The following HELLS variants were observed in gnomAD, a reference collection of about 807,000 sequenced individuals.
The protein encoded by HELLS is lymphoid-specific helicase.
Under a neutral mutation model 120.0 loss-of-function variants are expected in HELLS, and 32 were observed. That is an observed-to-expected ratio of 0.27 (90% confidence interval 0.20 to 0.36). HELLS has a LOEUF of 0.36. HELLS is among the 10% of genes least tolerant of loss of function. The pLI, the probability that HELLS is intolerant of heterozygous loss-of-function variation, is 1.00. For synonymous variants in HELLS, 341 were observed against 323.4 expected, an observed-to-expected ratio of 1.05 and a Z score of -0.58; for missense variants, 650 against 993.4, an observed-to-expected ratio of 0.65 and a Z score of 4.65.
intron 18 of HELLS, among the ~76,000 whole-genome samples, chr10:94,594,267 G>A (rs1845638925): frequency 6.6e-6 from 1 of 152,014 alleles, no homozygotes; most frequent in Admixed American, 6.6e-5. Context: ...TCACGGCTCA[G>A]TAGCCTTGAC....
chr10:94,610,977 T>C (rs190183974), exon 10 of HELLS: 7 of 152,320 alleles, frequency 4.6e-5, no homozygotes, highest in Non-Finnish European at 8.8e-5. Flanking sequence ...TTTATCTTCA[T>C]GTACATTATT....
chr10:94,589,269 T>G (rs980379600), intron 13 of HELLS, among the ~76,000 whole-genome samples: 2 of 152,244 alleles, frequency 1.3e-5, no homozygotes, highest in Non-Finnish European at 2.9e-5. Context: ...TGAGAATCCC[T>G]GTACTAAGGA....
intron 6 of HELLS, among the ~76,000 whole-genome samples, chr10:94,564,896 C>T (rs1210691151): frequency 1.3e-5 from 2 of 151,924 alleles, no homozygotes; most frequent in Non-Finnish European, 2.9e-5. Context: ...CTCCTGGCCA[C>T]ATTCTTATAT....
intron 3 of HELLS, among the ~76,000 whole-genome samples, chr10:94,554,537 T>C (rs1843147184): frequency 6.6e-6 from 1 of 152,150 alleles, no homozygotes; most frequent in African/African-American, 2.4e-5. Flanking sequence ...TCCTAGAAAA[T>C]TGTATAAATG....
Position 94,597,125 on chromosome 10 carries a change from T to C in HELLS, c.2422+14T>C, listed in dbSNP as rs557052126. ...GTGATCTTATTGGTAAGTATTATGC[T>C]TTTTTTTAATGGAAGCTTCGAAACA... On this transcript the variant is annotated intron_variant, in intron 21 of 21. Coordinates refer to ENST00000348459, the MANE Select transcript of HELLS (RefSeq NM_018063.5). 4 of 1,419,058 alleles carry C rather than the reference T, an allele frequency of 2.8e-6. No individual in the cohort carries two copies. In the African/African-American group the frequency reaches 4.3e-5, roughly 15 times the overall value. 87.9% of individuals were successfully genotyped at this position (1,419,058 alleles called of 1,614,324 possible).
chr10:94,604,193 T>C (rs949163872), downstream of HELLS, among the ~76,000 whole-genome samples: 1 of 151,732 alleles, frequency 6.6e-6, no homozygotes, highest in African/African-American at 2.4e-5. Flanking sequence ...GGTGTGATCT[T>C]GGCTCACTGC....
intron 21 of HELLS, among the ~76,000 whole-genome samples, chr10:94,600,884 CCA>C (rs1190542155): frequency 6.6e-6 from 1 of 151,922 alleles, no homozygotes; most frequent in Non-Finnish European, 1.5e-5. Context: ...AAGAGACAAA[CCA>C]CAAATAATAT....
intron 21 of HELLS, among the ~76,000 whole-genome samples, chr10:94,598,721 A>G (rs1589767581): frequency 1.3e-5 from 2 of 151,730 alleles, no homozygotes; most frequent in African/African-American, 4.8e-5. Context: ...TTAAATTTTA[A>G]TGAATTTCAA....
Position 94,601,887 on chromosome 10 carries a change from G to A in HELLS, c.*265G>A. On this transcript the variant is annotated 3_prime_UTR_variant, in exon 22 of 22. Transcript: ENST00000348459. ...GCTGATGTGTACTTAACCACTTCCA[G>A]ATTTATACAGTCTTCCTGTGGAAGT... The A allele has an allele frequency of 9.4e-6, 2 of 212,506 alleles. No homozygotes were observed. Among genetic ancestry groups the A allele is most frequent in the South Asian group, 2.4e-4 (2 of 8,360 alleles). The allele number at this position is 212,506 out of a possible 1,614,324, so 13.2% of individuals were successfully genotyped here.
rs145174432 is a variant in HELLS, at chr10:94,554,151, C to T, written c.179C>T (p.Ser60Leu). ...GCTCGCATGTCTTGGGATAGAGAGT[C>T]GACAGAAATTCGGTACCGTAGACTT... ...EKARMSWDRESTEIRYRRLQH... is the reference protein window; with the variant it reads ...EKARMSWDRELTEIRYRRLQH... The change falls in exon 3 of 22, where the codon TCG becomes TTG. Residue 60 changes from serine to leucine, a missense_variant. Around this residue, in one of 9 missense-constraint regions of HELLS, gnomAD observed 90 missense variants for 93.6 expected, o/e 0.96. Transcript: ENST00000348459. The T allele has an allele frequency of 4.4e-5, 70 of 1,576,424 alleles. No individual in the cohort carries two copies. The highest frequency in any genetic ancestry group is 7.8e-5 in the Admixed American group (4 of 51,138).
chr10:94,584,759 T>A (rs2134088485), intron 12 of HELLS, among the ~76,000 whole-genome samples: 1 of 152,246 alleles, frequency 6.6e-6, no homozygotes, highest in Admixed American at 6.5e-5. Context: ...ACTGGAATTG[T>A]TTTACTATAG....
Position 94,601,675 on chromosome 10 carries a change from C to T in HELLS, c.*53C>T, listed in dbSNP as rs1284819194. On this transcript the variant is annotated 3_prime_UTR_variant, in exon 22 of 22. Coordinates refer to ENST00000348459, the MANE Select transcript of HELLS (RefSeq NM_018063.5). ...GTTCTTATTTACATCTAGTGATTTCCCTGTATTGGGTTTGAAATACTGATT... is the reference window on the plus strand; with the variant it reads ...GTTCTTATTTACATCTAGTGATTTCTCTGTATTGGGTTTGAAATACTGATT... 3 of 943,480 alleles carry T rather than the reference C, an allele frequency of 3.2e-6. No individual in the cohort carries two copies. In the East Asian group the frequency reaches 7.4e-5, roughly 23 times the overall value. The allele number at this position is 943,480 out of a possible 1,614,324, so 58.4% of individuals were successfully genotyped here.
In HELLS at chr10:94,593,532, A is replaced by G. The variant is rs188843001; in HGVS notation, c.2005A>G (p.Ile669Val). ...CTTCAACACGGATCCAGAGGTGTTT[A>G]TCTTCTTAGTGAGTACACGAGCTGG... ...HSFNTDPEVF[I>V]FLVSTRAGGL... is the part of the protein sequence containing the mutation. Residue 669 changes from isoleucine to valine, a missense_variant, in exon 18 of 22, where the codon ATC (isoleucine) becomes GTC (valine). Physicochemically the swap from Ile to Val is conservative, Grantham distance 29. Around this residue, in one of 9 missense-constraint regions of HELLS, gnomAD observed 191 missense variants for 259.7 expected, o/e 0.74. Transcript: ENST00000348459. 5.2e-5 allele frequency: 84 copies of G among 1,613,626 alleles called. 1 individual carries two copies. In the East Asian group the frequency reaches 1.9e-3, roughly 36 times the overall value.
intron 6 of HELLS, chr10:94,569,204 G>T (rs2134038918): frequency 6.8e-6 from 1 of 148,124 alleles, no homozygotes; most frequent in African/African-American, 2.5e-5. Flanking sequence ...TTTTCTTAAG[G>T]TGGAGTCTCG....
rs554264659 is a variant in HELLS at position 94,587,243 on chromosome 10, A to G, written c.1327-986A>G. 3.3e-5 allele frequency among the ~76,000 whole-genome samples: 5 copies of G among 152,208 alleles called. 1 individual carries two copies. Among genetic ancestry groups the G allele is most frequent in the African/African-American group, 7.2e-5 (3 of 41,550 alleles). ...TCTTAAAACCTCATTCTATTAAAAA[A>G]TTTTTAATTTTTAAAAAAACTTTTA... is the stretch of plus-strand genomic sequence containing the variant. On this transcript the variant is annotated intron_variant, in intron 12 of 21. Coordinates refer to ENST00000348459, the MANE Select transcript of HELLS (RefSeq NM_018063.5).
chr10:94,556,322 T>C (rs1269762136), intron 3 of HELLS, among the ~76,000 whole-genome samples: 2 of 152,220 alleles, frequency 1.3e-5, no homozygotes, highest in Non-Finnish European at 2.9e-5. Context: ...TTTCTCAATA[T>C]TCTTGCACAT....
intron 12 of HELLS, 29 bp from the exon 13 acceptor site, chr10:94,588,200 A>C: frequency 7.2e-7 from 1 of 1,396,862 alleles, no homozygotes; most frequent in Non-Finnish European, 1.0e-6. Context: ...TTTAATACTC[A>C]TATTTTTCTG....
At chr10:94,584,017 GT>G in intron 12 of HELLS, 1 of 780,632 alleles carries the variant, frequency 1.3e-6, no homozygotes, top group South Asian at 1.7e-5. Flanking sequence ...ATGTGTCAGA[GT>G]TTACAGATGA....
intron 6 of HELLS, among the ~76,000 whole-genome samples, chr10:94,567,763 C>T (rs760773247): frequency 6.6e-5 from 10 of 152,038 alleles, no homozygotes; most frequent in Non-Finnish European, 1.5e-4. Flanking sequence ...ACAGAAATAG[C>T]CAGGTGTGGT....
Sources: gnomAD v4.1 joint callset for allele counts (sites outside exome capture counted in the v4.1 genomes callset) on GRCh38, gnomAD v4.1.1 for gene constraint, gnomAD v4.1.1 regional missense constraint, MANE v1.5 for transcripts, NCBI Gene and HGNC (gene_info 2026-07-23, HGNC 2026-07-21) for gene names.